Variants in NR2C1 observed in about 807,000 individuals in gnomAD.
NR2C1 encodes the protein nuclear receptor subfamily 2 group C member 1.
NR2C1 carries 33 observed loss-of-function variants against 74.8 expected under a neutral mutation model. The ratio of observed to expected loss-of-function variants is 0.44; its 90% CI spans 0.33 to 0.59. NR2C1 has a LOEUF of 0.59. Ranked by LOEUF, NR2C1 falls within the 20% of genes least tolerant of loss-of-function variation. The pLI is 0.02. For missense variants in NR2C1, 568 were observed against 715.6 expected (o/e 0.79, Z 2.35); for synonymous variants, 225 against 240.6 (o/e 0.94, Z 0.60).
intron 11 of NR2C1, chr12:95,030,560 A>G (rs1869953762): frequency 1.2e-6 from 2 of 1,612,906 alleles, no homozygotes; most frequent in Admixed American, 1.7e-5. Flanking sequence ...GTCCATAAGT[A>G]AGATGGGAAT....
intron 2 of NR2C1, 62 bp from the exon 3 acceptor site, chr12:95,062,800 T>C: frequency 7.7e-7 from 1 of 1,294,980 alleles, no homozygotes; most frequent in African/African-American, 1.5e-5. Context: ...GACACAATTA[T>C]CTTCTTAGAA....
At chr12:95,055,879 G>A (rs779588848) in intron 7 of NR2C1, among the ~76,000 whole-genome samples, 34 of 149,812 alleles carry the variant, frequency 2.3e-4, no homozygotes, top group Non-Finnish European at 4.1e-4. Context: ...CGTGAACCCA[G>A]GAGGCGGAGG....
intron 11 of NR2C1, among the ~76,000 whole-genome samples, chr12:95,030,142 GA>G (rs754473985): frequency 6.6e-5 from 10 of 152,170 alleles, no homozygotes; most frequent in Non-Finnish European, 1.2e-4. Flanking sequence ...CAAAGGGCTG[GA>G]ATTACAGGTG....
Position 95,022,361 on chromosome 12 carries a change from C to T in NR2C1, c.1680G>A (p.Met560Ile), listed in dbSNP as rs192028089. 6 of 1,613,286 alleles carry T rather than the reference C, an allele frequency of 3.7e-6. No homozygotes were observed. The highest frequency in any genetic ancestry group is 5.1e-6 in the Non-Finnish European group (6 of 1,179,810). Residue 560 changes from methionine to isoleucine, a missense_variant, in exon 14 of 14, where the codon ATG becomes ATA. By Grantham distance (10) the Met-to-Ile change is conservative. Transcript: ENST00000333003. ...ACAATTCTTCAGTGATGGTAGCATTCATCAGTCTTAAAGCTGGCAATCTGA... is the reference window on the plus strand; with the variant it reads ...ACAATTCTTCAGTGATGGTAGCATTTATCAGTCTTAAAGCTGGCAATCTGA... The part of the protein sequence containing the change: ...LLLRLPALRL[M>I]NATITEELFF...
intron 1 of NR2C1, among the ~76,000 whole-genome samples, chr12:95,068,541 T>C (rs906657588): frequency 6.6e-6 from 1 of 152,168 alleles, no homozygotes; most frequent in African/African-American, 2.4e-5. Context: ...ACATCTGTAT[T>C]CCTAGCACTA....
At chr12:95,034,362 A>G (rs1246132673) in intron 10 of NR2C1, among the ~76,000 whole-genome samples, 2 of 152,222 alleles carry the variant, frequency 1.3e-5, no homozygotes, top group Non-Finnish European at 2.9e-5. Context: ...TAAAAATATC[A>G]ATCTTAAACA....
rs1200470948 is a variant in NR2C1 at position 95,028,427 on chromosome 12, G to A, written c.1491C>T (p.Tyr497=). Residue 497 remains tyrosine, a synonymous_variant, in exon 12 of 14, where the codon TAC becomes TAT. Transcript: ENST00000333003. Reference sequence around the variant, plus strand: ...CTATTGCCTTCAGGTAGGCATATTCGTATCCATCAATGCAGAGTTTAACCA... The same window carrying A: ...CTATTGCCTTCAGGTAGGCATATTCATATCCATCAATGCAGAGTTTAACCA... ...NSMVKLCIDG[Y]EYAYLKAIVL... is the part of the protein sequence containing the mutation. 2 of 1,610,056 alleles carry A rather than the reference G, an allele frequency of 1.2e-6. No homozygotes were observed. Among genetic ancestry groups the A allele is most frequent in the Admixed American group, 1.7e-5 (1 of 59,788 alleles).
chr12:95,026,332 ATAT>A (rs1869363046), intron 12 of NR2C1, among the ~76,000 whole-genome samples: 1 of 152,192 alleles, frequency 6.6e-6, no homozygotes, highest in Non-Finnish European at 1.5e-5. Flanking sequence ...GAAACCACAA[ATAT>A]TATCTCTATC....
At chr12:95,059,726 G>A (rs183706602) in intron 4 of NR2C1, among the ~76,000 whole-genome samples, 180 bp downstream of exon 4, 1 of 151,812 alleles carries the variant, frequency 6.6e-6, no homozygotes, top group Non-Finnish European at 1.5e-5. Flanking sequence ...AAGAACTCTG[G>A]GAAAAAATTA....
rs186512502 is a variant in NR2C1, at chr12:95,052,161, T to G, written c.784-218A>C. Among the ~76,000 whole-genome samples the G allele has an allele frequency of 1.0e-3, 159 of 151,654 alleles. 1 individual carries two copies. Among genetic ancestry groups the G allele is most frequent in the African/African-American group, 3.7e-3 (153 of 41,466 alleles). ...AGAAATGTTTATATGTTACTTTGTT[T>G]TTTTTTTTTTTGGGAGATGGAGTCT... On this transcript the variant is annotated intron_variant, in intron 7 of 13. Coordinates refer to ENST00000333003, the MANE Select transcript of NR2C1 (RefSeq NM_003297.4).
chr12:95,058,521 G>C, intron 4 of NR2C1, 32 bp from the exon 5 acceptor site: 1 of 1,553,594 alleles, frequency 6.4e-7, no homozygotes, highest in Non-Finnish European at 8.8e-7. Flanking sequence ...AAATATAAAA[G>C]TCACATTATT....
chr12:95,058,592 A>T, intron 4 of NR2C1, 103 bp from the exon 5 acceptor site: 1 of 879,338 alleles, frequency 1.1e-6, no homozygotes, highest in Non-Finnish European at 1.8e-6. Flanking sequence ...GATGAAACTG[A>T]TTTTTGAGCT....
At chr12:95,033,324 G>A (rs1665898862) in intron 10 of NR2C1, among the ~76,000 whole-genome samples, 1 of 151,982 alleles carries the variant, frequency 6.6e-6, no homozygotes, top group Non-Finnish European at 1.5e-5. Context: ...TTCTACATTA[G>A]TATAAAGGAT....
chr12:95,059,805 T>C (rs1874474394), intron 4 of NR2C1, 101 bp downstream of exon 4: 3 of 770,778 alleles, frequency 3.9e-6, no homozygotes, highest in Non-Finnish European at 4.1e-6. Context: ...TTCTTACTTT[T>C]AGTAGAAGAA....
At chr12:95,044,020 G>C (rs1266222002) in intron 9 of NR2C1, among the ~76,000 whole-genome samples, 1 of 152,150 alleles carries the variant, frequency 6.6e-6, no homozygotes, top group East Asian at 1.9e-4. Context: ...ACAAGTCTTT[G>C]AGACTGAAAA....
At chr12:95,037,164 G>C (rs1870951480) in intron 10 of NR2C1, among the ~76,000 whole-genome samples, 1 of 152,206 alleles carries the variant, frequency 6.6e-6, no homozygotes, top group Admixed American at 6.5e-5. Flanking sequence ...AATCTAGGTA[G>C]AGATGACTGC....
chr12:95,067,878 CTTTTT>C (rs35730526), intron 1 of NR2C1, among the ~76,000 whole-genome samples: 1 of 110,024 alleles, frequency 9.1e-6, no homozygotes, highest in Non-Finnish European at 1.8e-5. Flanking sequence ...CTCCATGTAT[CTTTTT>C]TTTTTTTTTT....
In NR2C1 at chr12:95,022,034, A is replaced by G. The variant is rs759747676; in HGVS notation, c.*195T>C. The G allele has an allele frequency of 1.8e-5, 8 of 447,454 alleles. No homozygotes were observed. Among genetic ancestry groups the G allele is most frequent in the African/African-American group, 8.2e-5 (4 of 48,800 alleles). The allele number at this position is 447,454 out of a possible 1,614,324, so 27.7% of individuals were successfully genotyped here. ...TCATATTCATTTAAAGGAATCAGGAAGAAAAATTCATTTAATTTCTGCTGC... is the reference window on the plus strand; with the variant it reads ...TCATATTCATTTAAAGGAATCAGGAGGAAAAATTCATTTAATTTCTGCTGC... On this transcript the variant is annotated 3_prime_UTR_variant, in exon 14 of 14. Coordinates refer to ENST00000333003, the MANE Select transcript of NR2C1 (RefSeq NM_003297.4).
At chr12:95,068,327 A>G (rs1876041915) in intron 1 of NR2C1, among the ~76,000 whole-genome samples, 1 of 152,320 alleles carries the variant, frequency 6.6e-6, no homozygotes, top group Non-Finnish European at 1.5e-5. Context: ...CTTATCTCCA[A>G]TATACTCAAT....
Sources: allele counts gnomAD v4.1 joint callset (sites outside exome capture counted in the v4.1 genomes callset), GRCh38; gene constraint gnomAD v4.1.1; transcripts MANE v1.5; gene names NCBI Gene and HGNC (gene_info 2026-07-23, HGNC 2026-07-21).